Variants in B3GALT4 observed in about 807,000 individuals in gnomAD.
The protein encoded by B3GALT4 is UDP-Gal:betaGlcNAc beta 1,3-galactosyltransferase 4.
Under a neutral mutation model 1.6 loss-of-function variants are expected in B3GALT4, and 1 was observed. That is an observed-to-expected ratio of 0.64 (90% CI 0.23 to 3.05). The LOEUF (loss-of-function observed/expected upper bound fraction) is 3.05. B3GALT4 is among the 30% of genes most tolerant of loss of function. The pLI is 0.21. For missense variants in B3GALT4, 441 were observed against 486.9 expected, an observed-to-expected ratio of 0.91 and a Z score of 0.89; for synonymous variants, 259 against 222.6, an observed-to-expected ratio of 1.16 and a Z score of -1.46.
chr6:33,277,827 G>C lies in B3GALT4; in HGVS notation c.408G>C (p.Gly136=). ...SDLASESAAQ[G]DILQAAFQDS... is the part of the protein sequence containing the mutation. ...TGGCCTCGGAGTCAGCAGCCCAGGG[G>C]GATATCTTGCAGGCCGCCTTCCAGG... The change falls in exon 1 of 1, where the codon GGG becomes GGC. Residue 136 remains glycine, a synonymous_variant. Coordinates refer to ENST00000451237, the MANE Select transcript of B3GALT4 (RefSeq NM_003782.4). The surrounding 1 kb of genome is among the most constrained non-coding windows in gnomAD (Gnocchi z 5.3). 6.2e-7 allele frequency: 1 copy of C among 1,613,782 alleles called. No homozygotes were observed. The highest frequency in any genetic ancestry group is 8.5e-7 in the Non-Finnish European group (1 of 1,180,006).
chr6:33,277,380 G>A lies in B3GALT4; in HGVS notation c.-40G>A. ...ACCCAGGCCCGGGGAGCTAGTCTCC[G>A]CCCTTCGCTCTTACGGATCCCCTCG... On this transcript the variant is annotated 5_prime_UTR_variant, in exon 1 of 1. Transcript: ENST00000451237. The surrounding 1 kb of genome is among the most constrained non-coding windows in gnomAD (Gnocchi z 5.3). 1 of 1,590,062 alleles carries A rather than the reference G, an allele frequency of 6.3e-7. No homozygotes were observed. The highest frequency in any genetic ancestry group is 1.1e-5 in the South Asian group (1 of 88,886).
At position 33,277,560 on chromosome 6, in the gene B3GALT4, G is replaced by A; in HGVS notation, c.141G>A (p.Pro47=). 1.2e-6 allele frequency: 2 copies of A among 1,611,830 alleles called. No homozygotes were observed. Among genetic ancestry groups the A allele is most frequent in the East Asian group, 2.2e-5 (1 of 44,852 alleles). The change falls in exon 1 of 1, where the codon CCG becomes CCA. Residue 47 remains proline, a synonymous_variant. Transcript: ENST00000451237. This position sits in a 1 kb window ranked among gnomAD's most constrained non-coding sequence, Gnocchi z 5.3. ...LASLLPAPAS[P]GPPLALPRLL... ...CCCTGCTCCCAGCCCCCGCCTCACC[G>A]GGGCCGCCCCTGGCCCTGCCCCGCC...
Position 33,278,541 on chromosome 6 carries a change from C to T in B3GALT4, c.1122C>T (p.Ala374=). 6.5e-7 allele frequency: 1 copy of T among 1,533,666 alleles called. No homozygotes were observed. ...VLGILRCRAI[A]WLQS ...GCATCCTGCGGTGTCGAGCAATAGC[C>T]TGGCTTCAGAGCTGAGAGTGCCTGG... The change falls in exon 1 of 1, where the codon GCC becomes GCT. Residue 374 remains alanine (A), a synonymous_variant. Transcript: ENST00000451237. This position sits in a 1 kb window ranked among gnomAD's most constrained non-coding sequence, Gnocchi z 5.2.
rs1765794842 is a variant in B3GALT4, at chr6:33,278,146, A to G, written c.727A>G (p.Arg243Gly). The part of the protein sequence containing the change: ...RVNPSRTPGG[R>G]HRVSEEQWPH... Reference sequence around the variant, plus strand: ...GAACCCCTCTCGGACACCGGGGGGCAGGCACCGCGTATCAGAGGAGCAGTG... The same window carrying G: ...GAACCCCTCTCGGACACCGGGGGGCGGGCACCGCGTATCAGAGGAGCAGTG... Residue 243 changes from arginine (R) to glycine (G), a missense_variant, in exon 1 of 1, where the codon AGG becomes GGG. Coordinates refer to ENST00000451237, the MANE Select transcript of B3GALT4 (RefSeq NM_003782.4). The surrounding 1 kb of genome is among the most constrained non-coding windows in gnomAD (Gnocchi z 5.2). 1 of 1,613,408 alleles carries G rather than the reference A, an allele frequency of 6.2e-7. No individual in the cohort carries two copies. The highest frequency in any genetic ancestry group is 1.3e-5 in the African/African-American group (1 of 74,910).
Position 33,277,249 on chromosome 6 carries a change from C to A in B3GALT4, c.-171C>A. ...CCACCCCCGCAGCATGCCTCGACCG[C>A]GGTCCGCAGCTGCACCGCCTCTCCC... On this transcript the variant is annotated 5_prime_UTR_variant, in exon 1 of 1. Coordinates refer to ENST00000451237, the MANE Select transcript of B3GALT4 (RefSeq NM_003782.4). The surrounding 1 kb of genome is among the most constrained non-coding windows in gnomAD (Gnocchi z 5.3). 2 of 1,224,548 alleles carry A rather than the reference C, an allele frequency of 1.6e-6. No homozygotes were observed. The highest frequency in any genetic ancestry group is 2.2e-6 in the Non-Finnish European group (2 of 917,240). 75.9% of individuals were successfully genotyped at this position (1,224,548 alleles called of 1,614,324 possible). A position where few individuals can be genotyped will look rare whatever the true frequency, so the allele number is the denominator to read the frequency against.
chr6:33,278,390 A>G lies in B3GALT4; in HGVS notation c.971A>G (p.Tyr324Cys), dbSNP rs751260597. 4.4e-6 allele frequency: 7 copies of G among 1,608,422 alleles called. No homozygotes were observed. The highest frequency in any genetic ancestry group is 3.3e-5 in the South Asian group (3 of 90,470). Residue 324 changes from tyrosine (Y) to cysteine (C), a missense_variant, in exon 1 of 1, where the codon TAT becomes TGT. Transcript: ENST00000451237. This position sits in a 1 kb window ranked among gnomAD's most constrained non-coding sequence, Gnocchi z 5.2. ...CACTACCCGCTAGACCGGTGCTGCT[A>G]TGGGAAATTCCTGCTGACGTCCCAC... Reference protein sequence around the residue: ...ATHYPLDRCCYGKFLLTSHRL... With the variant: ...ATHYPLDRCCCGKFLLTSHRL...
At position 33,278,567 on chromosome 6, in the gene B3GALT4, G is replaced by T. The variant is rs1454348307; in HGVS notation, c.*11G>T. 1 of 1,520,266 alleles carries T rather than the reference G, an allele frequency of 6.6e-7. No homozygotes were observed. Among genetic ancestry groups the T allele is most frequent in the Non-Finnish European group, 8.8e-7 (1 of 1,134,228 alleles). The allele number at this position is 1,520,266 out of a possible 1,614,324, so 94.2% of individuals were successfully genotyped here. On this transcript the variant is annotated 3_prime_UTR_variant, in exon 1 of 1. Transcript: ENST00000451237. This position sits in a 1 kb window ranked among gnomAD's most constrained non-coding sequence, Gnocchi z 5.2. ...TGGCTTCAGAGCTGAGAGTGCCTGG[G>T]GCCACAGGAAAGGCAGGAACAGGAC...
rs1337891189 is a variant in B3GALT4 at position 33,277,264 on chromosome 6, C to T, written c.-156C>T. 6 of 1,383,502 alleles carry T rather than the reference C, an allele frequency of 4.3e-6. No individual in the cohort carries two copies. Among genetic ancestry groups the T allele is most frequent in the African/African-American group, 1.5e-5 (1 of 66,612 alleles). 85.7% of individuals were successfully genotyped at this position (1,383,502 alleles called of 1,614,324 possible). The stretch of plus-strand genomic sequence containing the variant: ...GCCTCGACCGCGGTCCGCAGCTGCA[C>T]CGCCTCTCCCCGCCCCCCAGGGTGC... On this transcript the variant is annotated 5_prime_UTR_variant, in exon 1 of 1. Transcript: ENST00000451237. The surrounding 1 kb of genome is among the most constrained non-coding windows in gnomAD (Gnocchi z 5.3).
Position 33,277,298 on chromosome 6 carries a change from C to G in B3GALT4, c.-122C>G, listed in dbSNP as rs185294069. Reference sequence around the variant, plus strand: ...CCCGCCCCCCAGGGTGCGCTGGTCCCGGTCGCGCGCTCAGACCTCCGCATC... The same window carrying G: ...CCCGCCCCCCAGGGTGCGCTGGTCCGGGTCGCGCGCTCAGACCTCCGCATC... On this transcript the variant is annotated 5_prime_UTR_variant, in exon 1 of 1. Transcript: ENST00000451237. The surrounding 1 kb of genome is among the most constrained non-coding windows in gnomAD (Gnocchi z 5.3). 3.0e-5 allele frequency: 44 copies of G among 1,480,428 alleles called. No individual in the cohort carries two copies. The African/African-American group carries it at 5.1e-4, about 17-fold the overall frequency. The allele number at this position is 1,480,428 out of a possible 1,614,324, so 91.7% of individuals were successfully genotyped here.
In B3GALT4 at chr6:33,277,180, A is replaced by C; in HGVS notation, c.-240A>C. 1.8e-6 allele frequency: 1 copy of C among 555,440 alleles called. No homozygotes were observed. The highest frequency in any genetic ancestry group is 2.9e-6 in the Non-Finnish European group (1 of 344,836). 34.4% of individuals were successfully genotyped at this position (555,440 alleles called of 1,614,324 possible). On this transcript the variant is annotated 5_prime_UTR_variant, in exon 1 of 1. The change abolishes an upstream ATG in the 5' untranslated region. Transcript: ENST00000451237. This position sits in a 1 kb window ranked among gnomAD's most constrained non-coding sequence, Gnocchi z 5.3. ...CCGTGAGTGCCGCAGTCGGCCAGCC[A>C]TGGAGCGGAGCTTGCTGGCGGCGAG...
In B3GALT4 at chr6:33,277,341, AGTCCC is replaced by A. The variant is rs1440836356; in HGVS notation, c.-78_-74del. On this transcript the variant is annotated 5_prime_UTR_variant, in exon 1 of 1. Transcript: ENST00000451237. The surrounding 1 kb of genome is among the most constrained non-coding windows in gnomAD (Gnocchi z 5.3). ...TCCGCATCCCGGGCGTGGTCGGTTA[AGTCCC>A]CGGCCGTGACCCAGGCCCGGGGAGC... 6.6e-7 allele frequency: 1 copy of A among 1,523,942 alleles called. No homozygotes were observed. Among genetic ancestry groups the A allele is most frequent in the Non-Finnish European group, 8.7e-7 (1 of 1,144,600 alleles). 94.4% of individuals were successfully genotyped at this position (1,523,942 alleles called of 1,614,324 possible). A position where few individuals can be genotyped will look rare whatever the true frequency, so the allele number is the denominator to read the frequency against.
chr6:33,277,609 T>C lies in B3GALT4; in HGVS notation c.190T>C (p.Cys64Arg), dbSNP rs367923224. 2 of 1,612,906 alleles carry C rather than the reference T, an allele frequency of 1.2e-6. No individual in the cohort carries two copies. The highest frequency in any genetic ancestry group is 1.3e-5 in the African/African-American group (1 of 74,910). The part of the protein sequence containing the change: ...PRLLIPNQEA[C>R]SGPGAPPFLL... ...CCTCTTGATCCCCAACCAGGAAGCTTGCAGTGGTCCCGGGGCCCCTCCCTT... is the reference window on the plus strand; with the variant it reads ...CCTCTTGATCCCCAACCAGGAAGCTCGCAGTGGTCCCGGGGCCCCTCCCTT... The change falls in exon 1 of 1, where the codon TGC (cysteine) becomes CGC (arginine). Residue 64 changes from cysteine (C) to arginine (R), a missense_variant. Physicochemically the swap from Cys to Arg is radical, Grantham distance 180. Coordinates refer to ENST00000451237, the MANE Select transcript of B3GALT4 (RefSeq NM_003782.4). This position sits in a 1 kb window ranked among gnomAD's most constrained non-coding sequence, Gnocchi z 5.3.
In B3GALT4 at chr6:33,278,197, C is replaced by T. The variant is rs764574091; in HGVS notation, c.778C>T (p.Pro260Ser). ...QWPHTWGPFP[P>S]YASGTGYVLS... Reference sequence around the variant, plus strand: ...GCCTCACACCTGGGGCCCCTTTCCACCCTATGCCTCAGGCACGGGGTATGT... The same window carrying T: ...GCCTCACACCTGGGGCCCCTTTCCATCCTATGCCTCAGGCACGGGGTATGT... Residue 260 changes from proline to serine, a missense_variant, in exon 1 of 1, where the codon CCC becomes TCC. Physicochemically the swap from Pro to Ser is moderately conservative, Grantham distance 74 (BLOSUM62 -1). Transcript: ENST00000451237. The surrounding 1 kb of genome is among the most constrained non-coding windows in gnomAD (Gnocchi z 5.2). 1.9e-6 allele frequency: 3 copies of T among 1,612,318 alleles called. No homozygotes were observed. The highest frequency in any genetic ancestry group is 1.1e-5 in the South Asian group (1 of 91,088).
In B3GALT4 at chr6:33,278,736, G is replaced by C. The variant is rs750108462; in HGVS notation, c.*180G>C. ...CGCCAGCCCAAAAGATGGTCATCGG[G>C]AAGAGAAAAAGAAAAAAATGCTGCA... is the stretch of plus-strand genomic sequence containing the variant. On this transcript the variant is annotated 3_prime_UTR_variant, in exon 1 of 1. Transcript: ENST00000451237. This position sits in a 1 kb window ranked among gnomAD's most constrained non-coding sequence, Gnocchi z 5.2. The C allele has an allele frequency of 4.2e-6, 5 of 1,184,956 alleles. No homozygotes were observed. The highest frequency in any genetic ancestry group is 5.5e-6 in the Non-Finnish European group (5 of 905,806). The allele number at this position is 1,184,956 out of a possible 1,614,324, so 73.4% of individuals were successfully genotyped here.
chr6:33,277,174 C>T lies in B3GALT4; in HGVS notation c.-246C>T. 4.0e-6 allele frequency: 2 copies of T among 494,146 alleles called. No homozygotes were observed. Among genetic ancestry groups the T allele is most frequent in the Non-Finnish European group, 6.6e-6 (2 of 304,052 alleles). The allele number at this position is 494,146 out of a possible 1,614,324, so 30.6% of individuals were successfully genotyped here. A position where few individuals can be genotyped will look rare whatever the true frequency, so the allele number is the denominator to read the frequency against. ...GAGGGGCCGTGAGTGCCGCAGTCGG[C>T]CAGCCATGGAGCGGAGCTTGCTGGC... On this transcript the variant is annotated 5_prime_UTR_variant, in exon 1 of 1. Coordinates refer to ENST00000451237, the MANE Select transcript of B3GALT4 (RefSeq NM_003782.4). This position sits in a 1 kb window ranked among gnomAD's most constrained non-coding sequence, Gnocchi z 5.3.
rs1449785724 is a variant in B3GALT4 at position 33,278,755 on chromosome 6, T to C, written c.*199T>C. On this transcript the variant is annotated 3_prime_UTR_variant, in exon 1 of 1. Transcript: ENST00000451237. This position sits in a 1 kb window ranked among gnomAD's most constrained non-coding sequence, Gnocchi z 5.2. ...CATCGGGAAGAGAAAAAGAAAAAAA[T>C]GCTGCAGTTGTTCTCTCAAGCTAGG... 1.0e-6 allele frequency: 1 copy of C among 978,768 alleles called. No homozygotes were observed. Among genetic ancestry groups the C allele is most frequent in the Non-Finnish European group, 1.4e-6 (1 of 717,834 alleles). The allele number at this position is 978,768 out of a possible 1,614,324, so 60.6% of individuals were successfully genotyped here.
Position 33,277,572 on chromosome 6 carries a change from G to T in B3GALT4, c.153G>T (p.Leu51=), listed in dbSNP as rs1378845794. 2.5e-6 allele frequency: 4 copies of T among 1,611,864 alleles called. No individual in the cohort carries two copies. Among genetic ancestry groups the T allele is most frequent in the Non-Finnish European group, 3.4e-6 (4 of 1,179,152 alleles). ...LPAPASPGPP[L]ALPRLLIPNQ... is the part of the protein sequence containing the mutation. Reference sequence around the variant, plus strand: ...CCCCCGCCTCACCGGGGCCGCCCCTGGCCCTGCCCCGCCTCTTGATCCCCA... The same window carrying T: ...CCCCCGCCTCACCGGGGCCGCCCCTTGCCCTGCCCCGCCTCTTGATCCCCA... Residue 51 remains leucine (L), a synonymous_variant, in exon 1 of 1, where the codon CTG becomes CTT. Coordinates refer to ENST00000451237, the MANE Select transcript of B3GALT4 (RefSeq NM_003782.4). The surrounding 1 kb of genome is among the most constrained non-coding windows in gnomAD (Gnocchi z 5.3).
chr6:33,277,734 A>G lies in B3GALT4; in HGVS notation c.315A>G (p.Val105=), dbSNP rs1765760061. The change falls in exon 1 of 1, where the codon GTA becomes GTG. Residue 105 remains valine (V), a synonymous_variant. Transcript: ENST00000451237. This position sits in a 1 kb window ranked among gnomAD's most constrained non-coding sequence, Gnocchi z 5.3. ...GGLREARGLR[V]QTLFLLGEPN... ...TGCGCGAGGCCCGGGGGCTCAGGGTACAGACGCTATTCTTGCTGGGAGAGC... is the reference window on the plus strand; with the variant it reads ...TGCGCGAGGCCCGGGGGCTCAGGGTGCAGACGCTATTCTTGCTGGGAGAGC... 1 of 1,613,766 alleles carries G rather than the reference A, an allele frequency of 6.2e-7. No individual in the cohort carries two copies. Among genetic ancestry groups the G allele is most frequent in the East Asian group, 2.2e-5 (1 of 44,864 alleles).
rs764689356 is a variant in B3GALT4, at chr6:33,277,617, T to C, written c.198T>C (p.Gly66=). The C allele has an allele frequency of 6.0e-5, 97 of 1,613,120 alleles. No homozygotes were observed. Among genetic ancestry groups the C allele is most frequent in the Admixed American group, 1.5e-4 (9 of 59,966 alleles). Residue 66 remains glycine, a synonymous_variant, in exon 1 of 1, where the codon GGT becomes GGC. Transcript: ENST00000451237. The surrounding 1 kb of genome is among the most constrained non-coding windows in gnomAD (Gnocchi z 5.3). The part of the protein sequence containing the change: ...LLIPNQEACS[G]PGAPPFLLIL... Reference sequence around the variant, plus strand: ...TCCCCAACCAGGAAGCTTGCAGTGGTCCCGGGGCCCCTCCCTTCCTGCTCA... The same window carrying C: ...TCCCCAACCAGGAAGCTTGCAGTGGCCCCGGGGCCCCTCCCTTCCTGCTCA...
Sources: gnomAD v4.1 joint callset for allele counts on GRCh38, gnomAD v4.1.1 for gene constraint, Gnocchi (gnomAD v3.1) non-coding constraint, MANE v1.5 for transcripts, NCBI Gene and HGNC (gene_info 2026-07-23, HGNC 2026-07-21) for gene names.